The following THADA variants were observed in gnomAD, a reference collection of about 807,000 sequenced individuals.
THADA encodes THADA armadillo repeat containing, also known as tRNA (32-2'-O)-methyltransferase regulator THADA.
Under a neutral mutation model 219.8 loss-of-function variants are expected in THADA, and 213 were observed. The observed-to-expected ratio is 0.97, with a 90% CI of 0.87 to 1.09. The LOEUF (loss-of-function observed/expected upper bound fraction) is 1.09. Among genes scored for constraint, THADA ranks in the 50% least tolerant of loss-of-function variants. THADA has a pLI of 0.00. For missense variants in THADA, 2,956 were observed against 2,311.3 expected, an observed-to-expected ratio of 1.28 and a Z score of -5.72; for synonymous variants, 1,018 against 828.9, an observed-to-expected ratio of 1.23 and a Z score of -3.92.
At position 43,552,191 on chromosome 2, in the gene THADA, T is replaced by C; in HGVS notation, c.2810+13A>G. Reference sequence around the variant, plus strand: ...GGATTTCTGAGACAGGAGGCAGCTGTGGAAATCCTTACTTTAGAGATAACT... The same window carrying C: ...GGATTTCTGAGACAGGAGGCAGCTGCGGAAATCCTTACTTTAGAGATAACT... On this transcript the variant is annotated intron_variant, in intron 18 of 37. Transcript: ENST00000405975. 1 of 1,602,038 alleles carries C rather than the reference T, an allele frequency of 6.2e-7. No homozygotes were observed. Among genetic ancestry groups the C allele is most frequent in the Non-Finnish European group, 8.5e-7 (1 of 1,175,014 alleles).
Position 43,480,167 on chromosome 2 carries a change from C to G in THADA, c.3836+5067G>C, listed in dbSNP as rs577452898. Among the ~76,000 whole-genome samples the G allele has an allele frequency of 2.0e-5, 3 of 152,312 alleles. No individual in the cohort carries two copies. The South Asian group carries it at 6.2e-4, about 32-fold the overall frequency. On this transcript the variant is annotated intron_variant, in intron 26 of 37. Coordinates refer to ENST00000405975, the MANE Select transcript of THADA (RefSeq NM_022065.5). ...CACTTTCTGGCTGTATGGCCACAGG[C>G]AAGTAGCTAAACCTCATGAGCCTTA... is the stretch of plus-strand genomic sequence containing the variant.
chr2:43,382,082 A>G (rs1400505807), intron 29 of THADA, among the ~76,000 whole-genome samples: 2 of 152,194 alleles, frequency 1.3e-5, no homozygotes, highest in African/African-American at 4.8e-5. Flanking sequence ...TGTTAACACC[A>G]TCAAAAACAT....
chr2:43,586,327 T>A, intron 7 of THADA, 74 bp downstream of exon 7: 1 of 1,263,034 alleles, frequency 7.9e-7, no homozygotes, highest in East Asian at 2.6e-5. Flanking sequence ...TCTGAGACTT[T>A]TAAATTTTTC....
intron 31 of THADA, among the ~76,000 whole-genome samples, chr2:43,304,391 C>CA (rs1676605668): frequency 6.6e-6 from 1 of 151,858 alleles, no homozygotes; most frequent in African/African-American, 2.4e-5. Flanking sequence ...CCAACAACAA[C>CA]AAAAAAATGG....
chr2:43,512,234 T>C (rs1368678952), intron 22 of THADA, among the ~76,000 whole-genome samples: 1 of 152,152 alleles, frequency 6.6e-6, no homozygotes, highest in East Asian at 1.9e-4. Flanking sequence ...CCAAACCTTC[T>C]TATTCTGCTC....
chr2:43,428,536 C>G (rs1337269745), intron 27 of THADA, among the ~76,000 whole-genome samples: 2 of 152,010 alleles, frequency 1.3e-5, no homozygotes, highest in African/African-American at 2.4e-5. Context: ...ACCTAGGAGG[C>G]GGAGGTTGCA....
At chr2:43,388,846 C>A (rs996310201) in intron 29 of THADA, among the ~76,000 whole-genome samples, 2 of 152,146 alleles carry the variant, frequency 1.3e-5, no homozygotes, top group South Asian at 2.1e-4. Flanking sequence ...TTTCAATGTA[C>A]AACATTAATT....
chr2:43,245,431 C>T (rs1669048374), intron 36 of THADA, among the ~76,000 whole-genome samples: 1 of 152,120 alleles, frequency 6.6e-6, no homozygotes, highest in Admixed American at 6.5e-5. Flanking sequence ...CCTTGGCCTC[C>T]CAACGTGCTG....
At chr2:43,491,232 T>C (rs893874461) in intron 25 of THADA, among the ~76,000 whole-genome samples, 1 of 152,218 alleles carries the variant, frequency 6.6e-6, no homozygotes, top group African/African-American at 2.4e-5. Context: ...CAACTCCTAA[T>C]TCACTGACAA....
At chr2:43,508,932 T>C (rs1363042600) in intron 22 of THADA, among the ~76,000 whole-genome samples, 152 bp from the exon 23 acceptor site, 1 of 152,212 alleles carries the variant, frequency 6.6e-6, no homozygotes. Context: ...TCACCTACTT[T>C]CCTCTTTATT....
chr2:43,386,437 A>T (rs184459371), intron 29 of THADA, among the ~76,000 whole-genome samples: 1 of 152,240 alleles, frequency 6.6e-6, no homozygotes. Context: ...TATAAGAATT[A>T]TTTGACAATT....
chr2:43,448,560 C>CT (rs71410179), intron 26 of THADA, among the ~76,000 whole-genome samples: 28,337 of 103,914 alleles, frequency 0.27, 3,681 homozygotes, highest in Non-Finnish European at 0.31. Flanking sequence ...TTCTTCCTTT[C>CT]TTTTTTTTTT....
chr2:43,333,429 G>C (rs551137525), intron 30 of THADA, among the ~76,000 whole-genome samples: 91 of 149,694 alleles, frequency 6.1e-4, no homozygotes, highest in African/African-American at 2.2e-3. Context: ...TAAAATCTAG[G>C]AATTGAAAAG....
intron 34 of THADA, among the ~76,000 whole-genome samples, chr2:43,288,295 GTA>G (rs1674288016): frequency 6.6e-6 from 1 of 152,202 alleles, no homozygotes; most frequent in Non-Finnish European, 1.5e-5. Context: ...GCGCGTGCCT[GTA>G]ATCCCAGCTA....
At chr2:43,502,585 A>C (rs1459187621) in intron 24 of THADA, among the ~76,000 whole-genome samples, 1 of 122,340 alleles carries the variant, frequency 8.2e-6, no homozygotes, top group Non-Finnish European at 1.8e-5. Flanking sequence ...ACCTCGTCTC[A>C]AAAAAAAAAA....
chr2:43,262,730 A>G (rs904648264), intron 36 of THADA, among the ~76,000 whole-genome samples: 1 of 152,204 alleles, frequency 6.6e-6, no homozygotes, highest in African/African-American at 2.4e-5. Flanking sequence ...TTGTACATTT[A>G]TTTTTGAAGA....
At chr2:43,327,099 AGGAT>A (rs1679422125) in intron 30 of THADA, among the ~76,000 whole-genome samples, 1 of 152,092 alleles carries the variant, frequency 6.6e-6, no homozygotes, top group African/African-American at 2.4e-5. Context: ...ATAAAAACAG[AGGAT>A]TGATTTGATT....
intron 22 of THADA, among the ~76,000 whole-genome samples, chr2:43,512,876 G>T (rs1303855990): frequency 2.0e-5 from 3 of 152,226 alleles, no homozygotes; most frequent in African/African-American, 7.2e-5. Context: ...ATATTCGTTG[G>T]ATGTCTATTA....
intron 26 of THADA, among the ~76,000 whole-genome samples, chr2:43,479,455 G>T (rs1167631790): frequency 6.6e-6 from 1 of 152,036 alleles, no homozygotes; most frequent in Non-Finnish European, 1.5e-5. Flanking sequence ...ATGGTTATTA[G>T]TATCATTTTA....
Sources: allele counts gnomAD v4.1 joint callset (sites outside exome capture counted in the v4.1 genomes callset), GRCh38; gene constraint gnomAD v4.1.1; transcripts MANE v1.5; gene names NCBI Gene and HGNC (gene_info 2026-07-23, HGNC 2026-07-21).